Variants in HSPA12A observed in about 807,000 individuals in gnomAD.
HSPA12A encodes the protein heat shock protein family A (Hsp70) member 12A.
Under a neutral mutation model 69.2 loss-of-function variants are expected in HSPA12A, and 28 were observed. The ratio of observed to expected loss-of-function variants is 0.40; its 90% CI spans 0.30 to 0.55. HSPA12A has a LOEUF of 0.55. HSPA12A is among the 20% of genes least tolerant of loss of function. HSPA12A has a pLI of 0.38. For synonymous variants in HSPA12A, 345 were observed against 370.5 expected, an observed-to-expected ratio of 0.93 and a Z score of 0.79; for missense variants, 686 against 900.7, an observed-to-expected ratio of 0.76 and a Z score of 3.05.
At chr10:116,721,255 A>G (rs1850767073) in intron 1 of HSPA12A, among the ~76,000 whole-genome samples, 1 of 152,232 alleles carries the variant, frequency 6.6e-6, no homozygotes, top group Admixed American at 6.5e-5. Flanking sequence ...AGAGCAGTAA[A>G]GAGAGATAAA....
At chr10:116,731,819 G>A (rs936134520) in intron 1 of HSPA12A, among the ~76,000 whole-genome samples, 1 of 152,060 alleles carries the variant, frequency 6.6e-6, no homozygotes. Flanking sequence ...ACTGTTTCTG[G>A]GTCAAGTCCT....
intron 1 of HSPA12A, among the ~76,000 whole-genome samples, chr10:116,841,831 A>C (rs1240403919): frequency 1.3e-5 from 2 of 151,958 alleles, no homozygotes; most frequent in Admixed American, 6.6e-5. Flanking sequence ...AAAACTTCTT[A>C]GGACAAAATA....
intron 2 of HSPA12A, among the ~76,000 whole-genome samples, chr10:116,748,598 T>C (rs1341244598): frequency 6.6e-6 from 1 of 152,150 alleles, no homozygotes; most frequent in African/African-American, 2.4e-5. Context: ...AAAAAGAGGT[T>C]TGATGGACTC....
intron 6 of HSPA12A, among the ~76,000 whole-genome samples, chr10:116,687,669 T>G (rs1205421300): frequency 6.6e-6 from 1 of 152,200 alleles, no homozygotes. Context: ...GCAGCCACCC[T>G]CAACAGAAGC....
intron 5 of HSPA12A, among the ~76,000 whole-genome samples, chr10:116,693,676 A>G (rs913854752): frequency 3.3e-5 from 5 of 152,108 alleles, no homozygotes; most frequent in Admixed American, 1.3e-4. Context: ...CATTTTTCCT[A>G]TTGTTTCAAA....
chr10:116,742,370 C>T (rs1341880417), intron 1 of HSPA12A, 60 bp downstream of exon 1: 1 of 1,409,414 alleles, frequency 7.1e-7, no homozygotes, highest in South Asian at 1.4e-5. Flanking sequence ...TTGGGCCAAG[C>T]GCGCCTCCTC....
chr10:116,707,176 C>A lies in HSPA12A; in HGVS notation c.126+24G>T, dbSNP rs782523246. On this transcript the variant is annotated intron_variant, in intron 2 of 11. Transcript: ENST00000369209. Reference sequence around the variant, plus strand: ...GCGCACACACACACACACACACACACACACACACACACACACTTCTTACCA... The same window carrying A: ...GCGCACACACACACACACACACACAAACACACACACACACACTTCTTACCA... 31 of 1,558,260 alleles carry A rather than the reference C, an allele frequency of 2.0e-5. No individual in the cohort carries two copies. In the Admixed American group the frequency reaches 2.1e-4, roughly 11 times the overall value.
intron 1 of HSPA12A, among the ~76,000 whole-genome samples, chr10:116,720,237 T>C (rs1416867488): frequency 3.9e-5 from 6 of 152,198 alleles, no homozygotes; most frequent in Non-Finnish European, 5.9e-5. Flanking sequence ...ATGGACTCAG[T>C]CACCGCCACC....
At chr10:116,811,624 C>T (rs1303450099) in intron 2 of HSPA12A, among the ~76,000 whole-genome samples, 1 of 150,122 alleles carries the variant, frequency 6.7e-6, no homozygotes, top group African/African-American at 2.5e-5. Context: ...TTGCCGTCCC[C>T]ATCCCCTGTC....
intron 6 of HSPA12A, among the ~76,000 whole-genome samples, chr10:116,685,802 G>A (rs1455311981): frequency 2.6e-5 from 4 of 152,132 alleles, no homozygotes; most frequent in Non-Finnish European, 5.9e-5. Flanking sequence ...CTACCAGCAG[G>A]CAGGTGACTG....
intron 2 of HSPA12A, among the ~76,000 whole-genome samples, chr10:116,767,390 A>G (rs1404504890): frequency 6.6e-6 from 1 of 152,082 alleles, no homozygotes; most frequent in African/African-American, 2.4e-5. Flanking sequence ...GACAAGCAGC[A>G]CTGTCCCTGC....
In HSPA12A at chr10:116,707,275, G is replaced by A; in HGVS notation, c.51C>T (p.Pro17=). The A allele has an allele frequency of 6.2e-7, 1 of 1,612,004 alleles. No homozygotes were observed. The highest frequency in any genetic ancestry group is 8.5e-7 in the Non-Finnish European group (1 of 1,179,276). The change falls in exon 2 of 12, where the codon CCC becomes CCT. Residue 17 remains proline, a synonymous_variant. Transcript: ENST00000369209. ...GGGCTGGAGATGAATATGCAGATGT[G>A]GGAGCCGTTTCTGAAAGGAAAAACA... ...GGSDGPRETA[P]TSAYSSPARS...
intron 1 of HSPA12A, among the ~76,000 whole-genome samples, chr10:116,715,343 C>A (rs892704167): frequency 3.9e-5 from 6 of 152,170 alleles, no homozygotes; most frequent in Non-Finnish European, 5.9e-5. Context: ...TTTAGTGGAT[C>A]CTAACTCAAA....
At position 116,839,602 on chromosome 10, in the gene HSPA12A, CGTA is replaced by C. The variant is rs1408553426; in HGVS notation, c.4-4583_4-4581del. On this transcript the variant is annotated intron_variant, in intron 1 of 12. Transcript: ENST00000635765. ...TCCAAAGGACTTCGTAGATGCCTAC[CGTA>C]AAAAAAAAAAAAAAAAAAAAAAAAA... Among the ~76,000 whole-genome samples the C allele has an allele frequency of 1.0e-3, 116 of 110,594 alleles. 1 individual carries two copies. Among genetic ancestry groups the C allele is most frequent in the African/African-American group, 4.4e-3 (110 of 25,230 alleles). The allele number at this position is 110,594 out of a possible 152,430, so 72.6% of individuals were successfully genotyped here. A position where few individuals can be genotyped will look rare whatever the true frequency, so the allele number is the denominator to read the frequency against.
chr10:116,695,958 G>A (rs1344110898), intron 5 of HSPA12A, among the ~76,000 whole-genome samples: 4 of 133,798 alleles, frequency 3.0e-5, no homozygotes, highest in African/African-American at 8.5e-5. Flanking sequence ...AGCCGAGATC[G>A]CACTACTGCA....
At chr10:116,739,775 GCAAA>G (rs1187691689) in intron 1 of HSPA12A, among the ~76,000 whole-genome samples, 2 of 152,078 alleles carry the variant, frequency 1.3e-5, no homozygotes, top group Admixed American at 1.3e-4. Context: ...AAGAAAATTT[GCAAA>G]CATACACAAA....
chr10:116,688,931 TTC>T (rs1849655471), intron 6 of HSPA12A, among the ~76,000 whole-genome samples: 1 of 152,200 alleles, frequency 6.6e-6, no homozygotes, highest in Admixed American at 6.5e-5. Context: ...CAGCTGTTCT[TTC>T]TGTTATCATC....
Position 116,757,539 on chromosome 10 carries a change from G to A in HSPA12A, c.92-50254C>T, listed in dbSNP as rs782199653. Among the ~76,000 whole-genome samples the A allele has an allele frequency of 4.6e-5, 7 of 152,312 alleles. No homozygotes were observed. In the East Asian group the frequency reaches 5.8e-4, roughly 13 times the overall value. On this transcript the variant is annotated intron_variant, in intron 2 of 12. Transcript: ENST00000635765. ...AGAGTTACATTCATCATCCGCACACGGCAGGAGGTTGGACAAATGCAAAAT... is the reference window on the plus strand; with the variant it reads ...AGAGTTACATTCATCATCCGCACACAGCAGGAGGTTGGACAAATGCAAAAT...
intron 3 of HSPA12A, among the ~76,000 whole-genome samples, chr10:116,704,726 G>A (rs750137027): frequency 3.3e-5 from 5 of 152,208 alleles, no homozygotes; most frequent in Non-Finnish European, 7.3e-5. Context: ...CACATTGTGA[G>A]GGAGGTATTG....
Sources: gnomAD v4.1 joint callset for allele counts (sites outside exome capture counted in the v4.1 genomes callset) on GRCh38, gnomAD v4.1.1 for gene constraint, MANE v1.5 for transcripts, NCBI Gene and HGNC (gene_info 2026-07-23, HGNC 2026-07-21) for gene names.